DESI2: variants seen among roughly 807,000 people sequenced by gnomAD.
The protein encoded by DESI2 is desumoylating isopeptidase 2, also known as deubiquitinase DESI2.
A neutral mutation model predicts 24.1 loss-of-function variants in DESI2; 10 were observed. The observed-to-expected ratio is 0.41, with a 90% CI of 0.26 to 0.70. The LOEUF (loss-of-function observed/expected upper bound fraction) is 0.70. DESI2 is among the 30% of genes least tolerant of loss of function. DESI2 has a pLI of 0.29. For missense variants in DESI2, 122 were observed against 234.9 expected (o/e 0.52, Z 3.14); for synonymous variants, 71 against 87.7 (o/e 0.81, Z 1.06).
chr1:244,658,347 C>G (rs1675719209), intron 1 of DESI2, among the ~76,000 whole-genome samples: 1 of 152,178 alleles, frequency 6.6e-6, no homozygotes, highest in Non-Finnish European at 1.5e-5. Flanking sequence ...TATCACATCC[C>G]CATATCTTTA....
intron 1 of DESI2, among the ~76,000 whole-genome samples, chr1:244,680,567 C>T (rs1000294023): frequency 6.6e-5 from 10 of 152,180 alleles, no homozygotes; most frequent in Non-Finnish European, 7.3e-5. Flanking sequence ...TTTTGTATTT[C>T]GTCACATCCA....
At chr1:244,688,157 A>T (rs995264402) in intron 2 of DESI2, among the ~76,000 whole-genome samples, 3 of 152,204 alleles carry the variant, frequency 2.0e-5, no homozygotes, top group African/African-American at 7.2e-5. Context: ...AATTTAGTAA[A>T]GCTAGAATCA....
chr1:244,694,596 C>T (rs568437792), intron 4 of DESI2: 113 of 847,028 alleles, frequency 1.3e-4, no homozygotes, highest in Middle Eastern at 1.0e-3. Context: ...CTTTCTCTTG[C>T]GCTTGGCGGG....
chr1:244,669,063 T>C (rs1312923052), intron 1 of DESI2, among the ~76,000 whole-genome samples: 2 of 152,096 alleles, frequency 1.3e-5, no homozygotes, highest in Non-Finnish European at 2.9e-5. Flanking sequence ...TGCAGTGGCA[T>C]AGTCATGGCT....
chr1:244,664,020 G>GAAAAA (rs34195856), intron 1 of DESI2, among the ~76,000 whole-genome samples: 1 of 89,382 alleles, frequency 1.1e-5, no homozygotes, highest in Non-Finnish European at 2.1e-5. Flanking sequence ...TCCGTCTCAG[G>GAAAAA]AAAAAAAAAA....
At chr1:244,694,363 CTT>C in intron 4 of DESI2, 1 of 600,420 alleles carries the variant, frequency 1.7e-6, no homozygotes, top group Non-Finnish European at 3.2e-6. Flanking sequence ...AAAGTTCAAA[CTT>C]TAGTATTCAT....
intron 1 of DESI2, chr1:244,653,837 C>G: frequency 2.3e-6 from 1 of 430,970 alleles, no homozygotes; most frequent in South Asian, 1.8e-5. Flanking sequence ...CAGAAGGTCA[C>G]AGCTTTCGGG....
At chr1:244,688,777 T>C (rs1276871101) in intron 2 of DESI2, among the ~76,000 whole-genome samples, 1 of 152,206 alleles carries the variant, frequency 6.6e-6, no homozygotes, top group Non-Finnish European at 1.5e-5. Flanking sequence ...TGTTTTAGGT[T>C]TGGTAATGTT....
At chr1:244,693,899 C>T (rs1677114336) in intron 4 of DESI2, among the ~76,000 whole-genome samples, 1 of 152,060 alleles carries the variant, frequency 6.6e-6, no homozygotes, top group Non-Finnish European at 1.5e-5. Context: ...CAGCTCTTGC[C>T]GATTGTGAAA....
intron 4 of DESI2, among the ~76,000 whole-genome samples, chr1:244,702,282 G>A (rs779268100): frequency 2.0e-4 from 31 of 152,338 alleles, no homozygotes; most frequent in South Asian, 1.0e-3. Flanking sequence ...GGGAGGCTGA[G>A]GCAGGCAGAT....
intron 1 of DESI2, among the ~76,000 whole-genome samples, chr1:244,672,865 ACT>A (rs1301068548): frequency 8.3e-6 from 1 of 120,548 alleles, no homozygotes; most frequent in East Asian, 2.5e-4. Flanking sequence ...TGACAGCGAG[ACT>A]CTGTCTGTAA....
chr1:244,661,891 G>A (rs1675859128), intron 1 of DESI2, among the ~76,000 whole-genome samples: 1 of 152,210 alleles, frequency 6.6e-6, no homozygotes, highest in South Asian at 2.1e-4. Flanking sequence ...TGTCTTTATA[G>A]CAGCATGATT....
At chr1:244,677,783 G>A (rs1328450323) in intron 1 of DESI2, among the ~76,000 whole-genome samples, 1 of 152,082 alleles carries the variant, frequency 6.6e-6, no homozygotes, top group Non-Finnish European at 1.5e-5. Flanking sequence ...AGCCTGGCAT[G>A]GTGGTGCATG....
At chr1:244,664,570 T>A (rs1675978356) in intron 1 of DESI2, among the ~76,000 whole-genome samples, 1 of 152,208 alleles carries the variant, frequency 6.6e-6, no homozygotes, top group Non-Finnish European at 1.5e-5. Flanking sequence ...GCCAGGCCCA[T>A]GCCTGTGATT....
At chr1:244,697,079 T>C (rs1289983364) in intron 4 of DESI2, among the ~76,000 whole-genome samples, 1 of 152,198 alleles carries the variant, frequency 6.6e-6, no homozygotes, top group South Asian at 2.1e-4. Context: ...CCCAAGTATA[T>C]TTTCCTTTTG....
chr1:244,661,894 G>A (rs1256427836), intron 1 of DESI2, among the ~76,000 whole-genome samples: 2 of 152,186 alleles, frequency 1.3e-5, no homozygotes, highest in Non-Finnish European at 2.9e-5. Context: ...CTTTATAGCA[G>A]CATGATTTAT....
At chr1:244,653,906 G>C (rs963869437) in intron 1 of DESI2, 1 of 471,220 alleles carries the variant, frequency 2.1e-6, no homozygotes, top group South Asian at 1.5e-5. Flanking sequence ...TTCCTTGTGT[G>C]TTAAAGGCAA....
intron 4 of DESI2, among the ~76,000 whole-genome samples, chr1:244,704,544 T>G (rs1331752453): frequency 2.8e-5 from 2 of 71,310 alleles, no homozygotes; most frequent in Non-Finnish European, 6.7e-5. Flanking sequence ...CTCCTGGCAC[T>G]TGTATTCTAT....
chr1:244,702,151 T>G (rs778121634), intron 4 of DESI2, among the ~76,000 whole-genome samples: 3 of 152,204 alleles, frequency 2.0e-5, no homozygotes, highest in Non-Finnish European at 4.4e-5. Flanking sequence ...ACCTCCAATC[T>G]GTTTTGTTTT....
Sources: gnomAD v4.1 joint callset for allele counts (sites outside exome capture counted in the v4.1 genomes callset) on GRCh38, gnomAD v4.1.1 for gene constraint, MANE v1.5 for transcripts, NCBI Gene and HGNC (gene_info 2026-07-23, HGNC 2026-07-21) for gene names.